Variants in TSC2 observed in about 807,000 individuals in gnomAD.
The protein encoded by TSC2 is TSC complex subunit 2, also known as tuberin.
Under a neutral mutation model 202.2 loss-of-function variants are expected in TSC2, and 29 were observed. The observed-to-expected ratio is 0.14, with a 90% CI of 0.11 to 0.20. The LOEUF (loss-of-function observed/expected upper bound fraction) is 0.20, where lower values mean the gene tolerates loss of function less well. Ranked by LOEUF, TSC2 falls within the 10% of genes least tolerant of loss-of-function variation. The pLI, the probability that TSC2 is intolerant of heterozygous loss-of-function variation, is 1.00. For synonymous variants in TSC2, 1,349 were observed against 1,044.0 expected, an observed-to-expected ratio of 1.29 and a Z score of -5.63; for missense variants, 2,429 against 2,420.0, an observed-to-expected ratio of 1.00 and a Z score of -0.08.
intron 30 of TSC2, chr16:2,080,782 C>A: frequency 4.4e-6 from 1 of 225,468 alleles, no homozygotes; most frequent in Non-Finnish European, 9.0e-6. Context: ...CCGCGCCCAG[C>A]CATTTGGGGG....
intron 21 of TSC2, among the ~76,000 whole-genome samples, chr16:2,073,756 G>A (rs376472332): frequency 2.6e-5 from 4 of 152,238 alleles, no homozygotes; most frequent in Non-Finnish European, 5.9e-5. Context: ...GGGTGAGGCC[G>A]GCTTTGGGAA....
chr16:2,082,818 T>C (rs2090302313), intron 32 of TSC2: 1 of 500,862 alleles, frequency 2.0e-6, no homozygotes. Context: ...CTCTGATGGG[T>C]GGCAGCTGTT....
intron 33 of TSC2, 56 bp downstream of exon 33, chr16:2,083,872 G>A: frequency 6.4e-7 from 1 of 1,573,606 alleles, no homozygotes; most frequent in South Asian, 1.2e-5. Context: ...CTTAGGGGAG[G>A]CAGGGCTCTG....
chr16:2,083,114 C>G (rs555983703), intron 32 of TSC2: 3 of 455,464 alleles, frequency 6.6e-6, no homozygotes, highest in Admixed American at 4.7e-5. Context: ...GTGGGGCGCC[C>G]GGGGGCTGTG....
rs2091092273 is a variant in TSC2, at chr16:2,088,086, G to A, written c.5107G>A (p.Val1703Met). The A allele has an allele frequency of 4.3e-6, 7 of 1,612,874 alleles. No homozygotes were observed. Among genetic ancestry groups the A allele is most frequent in the East Asian group, 2.2e-5 (1 of 44,876 alleles). The change falls in exon 40 of 42, where the codon GTG becomes ATG. Residue 1703 changes from valine to methionine, a missense_variant. By Grantham distance (21) the Val-to-Met change is conservative (BLOSUM62 1). Coordinates refer to ENST00000219476, the MANE Select transcript of TSC2 (RefSeq NM_000548.5). ...GLVDTSVAKIVSDRNLPFVAR... is the reference protein window; with the variant it reads ...GLVDTSVAKIMSDRNLPFVAR... ...TGTGGACACCAGCGTGGCCAAGATC[G>A]TGTCTGACCGCAACCTGCCCTTCGT...
chr16:2,073,811 C>T (rs1001028248), intron 21 of TSC2, among the ~76,000 whole-genome samples: 3 of 152,284 alleles, frequency 2.0e-5, no homozygotes, highest in Non-Finnish European at 2.9e-5. Flanking sequence ...CATCTGGCCC[C>T]GGGCTCTGCC....
chr16:2,063,338 A>G (rs2086873649), intron 14 of TSC2: 2 of 568,264 alleles, frequency 3.5e-6, no homozygotes, highest in South Asian at 2.0e-5. Context: ...AGCCTCTTAA[A>G]AATTCTGTGT....
rs878854076 is a variant in TSC2 at position 2,062,514 on chromosome 16, C to T, written c.1275C>T (p.Asn425=). 2 of 1,611,402 alleles carry T rather than the reference C, an allele frequency of 1.2e-6. No homozygotes were observed. Among genetic ancestry groups the T allele is most frequent in the East Asian group, 2.2e-5 (1 of 44,874 alleles). Residue 425 remains asparagine (N), a synonymous_variant, in exon 13 of 42, where the codon AAC becomes AAT. Coordinates refer to ENST00000219476, the MANE Select transcript of TSC2 (RefSeq NM_000548.5). The stretch of plus-strand genomic sequence containing the variant: ...TTTGACAGGAGTCCTCCCTCCTGAA[C>T]CTGATCTCCTATAGAGCGCAGTCCA... ...ADQRPESSLL[N]LISYRAQSIH...
intron 13 of TSC2, 115 bp downstream of exon 13, chr16:2,062,715 C>T (rs1318270229): frequency 8.6e-7 from 1 of 1,167,460 alleles, no homozygotes; most frequent in African/African-American, 1.5e-5. Flanking sequence ...CCCTCTGCCT[C>T]TGGAGAGCCC....
chr16:2,085,728 A>T (rs1203335204), intron 36 of TSC2, among the ~76,000 whole-genome samples: 1 of 152,158 alleles, frequency 6.6e-6, no homozygotes. Flanking sequence ...CTGGGCGAGC[A>T]CGGGAGCCGA....
intron 16 of TSC2, 78 bp downstream of exon 16, chr16:2,065,713 A>C (rs2087258148): frequency 7.5e-7 from 1 of 1,325,536 alleles, no homozygotes; most frequent in Admixed American, 1.7e-5. Flanking sequence ...GTTGTGTTGG[A>C]GTCTGTTCCC....
Position 2,079,398 on chromosome 16 carries a change from C to T in TSC2, c.3254C>T (p.Ser1085Leu), listed in dbSNP as rs45517287. ...TGTRSLLGLD[S>L]GELQSGPESS... ...ACCCGGTCGTTACTAGGCCTGGACTCGGGGGAGCTGCAGTCCGGCCCGGAG... is the reference window on the plus strand; with the variant it reads ...ACCCGGTCGTTACTAGGCCTGGACTTGGGGGAGCTGCAGTCCGGCCCGGAG... The change falls in exon 28 of 42, where the codon TCG (serine) becomes TTG (leucine). Residue 1085 changes from serine to leucine, a missense_variant. Transcript: ENST00000219476. This position sits in a 1 kb window ranked among gnomAD's most constrained non-coding sequence, Gnocchi z 4.6. 1.9e-5 allele frequency: 31 copies of T among 1,612,666 alleles called. No individual in the cohort carries two copies. Among genetic ancestry groups the T allele is most frequent in the South Asian group, 4.4e-5 (4 of 91,084 alleles).
Position 2,062,835 on chromosome 16 carries a change from G to A in TSC2, c.1362-137G>A, listed in dbSNP as rs1011994380. The A allele has an allele frequency of 2.9e-6, 3 of 1,049,716 alleles. No homozygotes were observed. The African/African-American group carries it at 4.7e-5, about 17-fold the overall frequency. The allele number at this position is 1,049,716 out of a possible 1,614,324, so 65.0% of individuals were successfully genotyped here. On this transcript the variant is annotated intron_variant, in intron 13 of 41. Coordinates refer to ENST00000219476, the MANE Select transcript of TSC2 (RefSeq NM_000548.5). ...GGGGTCGTCTGGAGAGATGCTCCCT[G>A]GGAAGCAGAGCTCTGTGCCCTGTGT...
intron 30 of TSC2, chr16:2,080,663 TC>T: frequency 4.7e-6 from 2 of 427,316 alleles, no homozygotes; most frequent in Non-Finnish European, 8.7e-6. Flanking sequence ...TTTTTGTATT[TC>T]TAGTAGAGAT....
chr16:2,070,422 C>T (rs760536559), intron 16 of TSC2, 34 bp from the exon 17 acceptor site: 2 of 1,613,220 alleles, frequency 1.2e-6, no homozygotes, highest in East Asian at 2.2e-5. Flanking sequence ...TTTTCACCTC[C>T]TGCGCCGTGG....
Position 2,074,302 on chromosome 16 carries a change from A to G in TSC2, c.2458A>G (p.Ile820Val), listed in dbSNP as rs754451657. ...CAGCGTGGAGATGCCTGACATCATC[A>G]TCAAGGCGCTGCCTGTTCTGGTGGT... ...ICSVEMPDII[I>V]KALPVLVVKL... Residue 820 changes from isoleucine to valine, a missense_variant, in exon 22 of 42, where the codon ATC (isoleucine) becomes GTC (valine). Transcript: ENST00000219476. The G allele has an allele frequency of 1.2e-6, 2 of 1,613,166 alleles. No homozygotes were observed.
At position 2,079,527 on chromosome 16, in the gene TSC2, T is replaced by C. The variant is rs1312817124; in HGVS notation, c.3285-30T>C. On this transcript the variant is annotated intron_variant, in intron 28 of 41. Transcript: ENST00000219476. This position sits in a 1 kb window ranked among gnomAD's most constrained non-coding sequence, Gnocchi z 4.6. The stretch of plus-strand genomic sequence containing the variant: ...CCCTCGTACCAGCCTGGGGACTAAG[T>C]CCACCCTGTGCGTGGGATTCTCTTC... The C allele has an allele frequency of 6.2e-7, 1 of 1,605,932 alleles. No individual in the cohort carries two copies. The highest frequency in any genetic ancestry group is 1.1e-5 in the South Asian group (1 of 90,142).
At chr16:2,062,341 C>T (rs1410148674) in intron 12 of TSC2, among the ~76,000 whole-genome samples, 156 bp from the exon 13 acceptor site, 2 of 152,238 alleles carry the variant, frequency 1.3e-5, no homozygotes, top group Non-Finnish European at 2.9e-5. Flanking sequence ...CACAAGTCTT[C>T]CCCGCTGCCA....
In TSC2 at chr16:2,088,354, G is replaced by T. The variant is rs762387054; in HGVS notation, c.5259+29G>T. The stretch of plus-strand genomic sequence containing the variant: ...GGGAATATGGGGCTCCCTCAGCGGG[G>T]TGTGCTGGCTGCCCAAGCTGTGGGG... On this transcript the variant is annotated intron_variant, in intron 41 of 41. Coordinates refer to ENST00000219476, the MANE Select transcript of TSC2 (RefSeq NM_000548.5). 9 of 1,612,214 alleles carry T rather than the reference G, an allele frequency of 5.6e-6. No individual in the cohort carries two copies. In the African/African-American group the frequency reaches 8.0e-5, roughly 14 times the overall value.
Sources: gnomAD v4.1 joint callset for allele counts (sites outside exome capture counted in the v4.1 genomes callset) on GRCh38, gnomAD v4.1.1 for gene constraint, Gnocchi (gnomAD v3.1) non-coding constraint, MANE v1.5 for transcripts, NCBI Gene and HGNC (gene_info 2026-07-23, HGNC 2026-07-21) for gene names.